The following BLTP3B variants were observed in gnomAD, a reference collection of about 807,000 sequenced individuals.
The protein encoded by BLTP3B is bridge-like lipid transfer protein family member 3B.
chr12:100,117,978 T>G, the BLTP3B span, among the ~76,000 whole-genome samples: 1 of 144,198 alleles, frequency 6.9e-6, no homozygotes, highest in Admixed American at 6.7e-5. Context: ...AATGCCTTTT[T>G]TATACTACTC....
At chr12:100,096,253 C>CAA in the BLTP3B span, among the ~76,000 whole-genome samples, 3 of 113,924 alleles carry the variant, frequency 2.6e-5, no homozygotes, top group Non-Finnish European at 1.9e-5. Context: ...AACTCTGTCT[C>CAA]AAAAAAAAAA....
the BLTP3B span, among the ~76,000 whole-genome samples, chr12:100,104,849 G>A: frequency 9.0e-6 from 1 of 111,382 alleles, no homozygotes; most frequent in Non-Finnish European, 1.7e-5. Context: ...ATCAAATCAG[G>A]AACTCAATCC....
the BLTP3B span, among the ~76,000 whole-genome samples, chr12:100,126,098 T>C: frequency 6.6e-6 from 1 of 152,126 alleles, no homozygotes; most frequent in Non-Finnish European, 1.5e-5. Context: ...AGGCTATCTA[T>C]TAAAATAAAG....
At chr12:100,080,115 T>A in the BLTP3B span, among the ~76,000 whole-genome samples, 4 of 152,138 alleles carry the variant, frequency 2.6e-5, no homozygotes, top group Non-Finnish European at 5.9e-5. Flanking sequence ...GGAAGGGAAA[T>A]GTGGGGTCAA....
chr12:100,069,113 G>A, the BLTP3B span, among the ~76,000 whole-genome samples: 713 of 152,272 alleles, frequency 4.7e-3, 5 homozygotes, highest in African/African-American at 0.016. Context: ...TCAGGAGGCT[G>A]AGGGAGGGGA....
the BLTP3B span, among the ~76,000 whole-genome samples, chr12:100,102,547 ATTAG>A: frequency 4.6e-5 from 7 of 152,324 alleles, no homozygotes; most frequent in East Asian, 1.4e-3. Context: ...CTGCTCTGCC[ATTAG>A]TTAATCACTA....
chr12:100,093,179 G>A, the BLTP3B span, among the ~76,000 whole-genome samples: 1 of 152,170 alleles, frequency 6.6e-6, no homozygotes, highest in Non-Finnish European at 1.5e-5. Flanking sequence ...TTTGCCAAAC[G>A]TTTAAAATCA....
chr12:100,112,308 G>T, the BLTP3B span, among the ~76,000 whole-genome samples: 8 of 152,100 alleles, frequency 5.3e-5, no homozygotes, highest in Non-Finnish European at 1.0e-4. Flanking sequence ...ATATATTAGT[G>T]AGTGACTATA....
chr12:100,039,532 A>G, the BLTP3B span: 2 of 1,419,204 alleles, frequency 1.4e-6, no homozygotes, highest in Non-Finnish European at 9.6e-7. Context: ...TGTTTTAACT[A>G]TTAGTATCTT....
the BLTP3B span, among the ~76,000 whole-genome samples, chr12:100,099,579 T>A: frequency 6.6e-6 from 1 of 150,434 alleles, no homozygotes; most frequent in African/African-American, 2.4e-5. Context: ...AGATCTCGTA[T>A]CCGTAGAAAA....
chr12:100,116,120 C>T, the BLTP3B span, among the ~76,000 whole-genome samples: 1 of 146,822 alleles, frequency 6.8e-6, no homozygotes, highest in Non-Finnish European at 1.5e-5. Flanking sequence ...TGCAGTGAGC[C>T]GAGATGGTGC....
the BLTP3B span, chr12:100,072,647 A>C: frequency 6.8e-7 from 1 of 1,466,318 alleles, no homozygotes. Context: ...AATAATGGAC[A>C]AATAATAATT....
chr12:100,092,991 C>T, the BLTP3B span: 1 of 983,700 alleles, frequency 1.0e-6, no homozygotes, highest in Non-Finnish European at 1.2e-6. Context: ...GAACTTTTCT[C>T]TCTTCCTTAT....
chr12:100,084,008 G>C, the BLTP3B span, among the ~76,000 whole-genome samples: 1 of 152,130 alleles, frequency 6.6e-6, no homozygotes, highest in African/African-American at 2.4e-5. Context: ...GGCCAACACA[G>C]TGAAACCCTG....
the BLTP3B span, among the ~76,000 whole-genome samples, chr12:100,054,867 G>C: frequency 1.3e-5 from 2 of 152,116 alleles, no homozygotes; most frequent in African/African-American, 4.8e-5. Context: ...TTTTGGACTA[G>C]ATACCTTATT....
At chr12:100,042,339 T>C in the BLTP3B span, among the ~76,000 whole-genome samples, 3 of 152,264 alleles carry the variant, frequency 2.0e-5, no homozygotes, top group South Asian at 4.1e-4. Context: ...CTTGAAAAGG[T>C]ACAATAAAGT....
the BLTP3B span, among the ~76,000 whole-genome samples, chr12:100,077,811 A>C: frequency 6.6e-6 from 1 of 152,232 alleles, no homozygotes; most frequent in African/African-American, 2.4e-5. Context: ...CATTGCAATT[A>C]GACCACGTTA....
the BLTP3B span, among the ~76,000 whole-genome samples, chr12:100,048,771 AGTGTGT>A: frequency 0.025 from 2,875 of 114,950 alleles, 94 homozygotes; most frequent in African/African-American, 0.081. Context: ...AGTGAGAGTG[AGTGTGT>A]GTGTGTGTGT....
the BLTP3B span, among the ~76,000 whole-genome samples, chr12:100,072,506 A>G: frequency 6.6e-6 from 1 of 152,244 alleles, no homozygotes; most frequent in Non-Finnish European, 1.5e-5. Context: ...TAGGAGTTTG[A>G]GATCAGCCTG....
Sources: allele counts gnomAD v4.1 joint callset (sites outside exome capture counted in the v4.1 genomes callset), GRCh38; gene constraint gnomAD v4.1.1; transcripts MANE v1.5; gene names NCBI Gene and HGNC (gene_info 2026-07-23, HGNC 2026-07-21).